GNG7: variants seen among roughly 807,000 people sequenced by gnomAD.
The protein encoded by GNG7 is G protein subunit gamma 7, also known as guanine nucleotide-binding protein G(I)/G(S)/G(O) subunit gamma-7.
A neutral mutation model predicts 4.0 loss-of-function variants in GNG7; 1 was observed. The observed-to-expected ratio is 0.25, with a 90% CI of 0.09 to 1.18. GNG7 has a LOEUF of 1.18. Ranked by LOEUF, GNG7 falls within the 50% of genes most tolerant of loss-of-function variation. The pLI, the probability that GNG7 is intolerant of heterozygous loss-of-function variation, is 0.50. For synonymous variants in GNG7, 34 were observed against 36.9 expected (o/e 0.92, Z 0.29); for missense variants, 86 against 91.9 (o/e 0.94, Z 0.26).
chr19:2,620,141 T>C (rs1323533558), intron 2 of GNG7, among the ~76,000 whole-genome samples: 1 of 147,350 alleles, frequency 6.8e-6, no homozygotes, highest in Non-Finnish European at 1.5e-5. Flanking sequence ...AGGTTGCAGG[T>C]TGCAGTGAGC....
intron 2 of GNG7, among the ~76,000 whole-genome samples, chr19:2,590,239 T>C (rs2144800342): frequency 1.3e-5 from 2 of 152,234 alleles, no homozygotes; most frequent in East Asian, 3.9e-4. Flanking sequence ...AAAAGTACCA[T>C]TAAAAAACAA....
intron 2 of GNG7, among the ~76,000 whole-genome samples, chr19:2,560,923 C>G (rs1979723038): frequency 6.7e-6 from 1 of 149,324 alleles, no homozygotes; most frequent in South Asian, 2.1e-4. Flanking sequence ...TACCATTGCA[C>G]TCCAGCCTGG....
In GNG7 at chr19:2,557,242, T is replaced by C. The variant is rs1013488666; in HGVS notation, c.-77-2054A>G. Among the ~76,000 whole-genome samples the C allele has an allele frequency of 2.0e-5, 3 of 148,840 alleles. No homozygotes were observed. The highest frequency in any genetic ancestry group is 3.0e-5 in the Non-Finnish European group (2 of 67,356). On this transcript the variant is annotated intron_variant, in intron 2 of 4. Coordinates refer to ENST00000382159, the MANE Select transcript of GNG7 (RefSeq NM_052847.3). This position sits in a 1 kb window ranked among gnomAD's most constrained non-coding sequence, Gnocchi z 5.1. ...ACACACATGCACACACAGACGCACA[T>C]GTGCACACACACGTGCACACACATT... is the stretch of plus-strand genomic sequence containing the variant.
intron 2 of GNG7, among the ~76,000 whole-genome samples, chr19:2,562,290 CT>C (rs5826772): frequency 0.058 from 6,773 of 116,034 alleles, 220 homozygotes; most frequent in Admixed American, 0.13. Flanking sequence ...CTTTTTCTTT[CT>C]TTTTTTTTTT....
chr19:2,535,264 G>A (rs971411309), intron 3 of GNG7, among the ~76,000 whole-genome samples: 5 of 151,224 alleles, frequency 3.3e-5, no homozygotes, highest in African/African-American at 1.2e-4. Flanking sequence ...TGAGGCAGGA[G>A]GATCACTTGA....
At chr19:2,680,081 G>A (rs1983692057) in intron 1 of GNG7, among the ~76,000 whole-genome samples, 1 of 151,976 alleles carries the variant, frequency 6.6e-6, no homozygotes, top group Non-Finnish European at 1.5e-5. Flanking sequence ...GGGAGACCGA[G>A]GAGGGAGGAT....
chr19:2,585,094 A>G, intron 2 of GNG7, among the ~76,000 whole-genome samples: 2 of 109,362 alleles, frequency 1.8e-5, no homozygotes, highest in Non-Finnish European at 3.5e-5. Flanking sequence ...GAGGGAAGAA[A>G]AGAAGGAAGG....
rs35639922 is a variant in GNG7 at position 2,525,971 on chromosome 19, A to ATTTTTTTTTT, written c.-37-5256_-37-5247dup. Among the ~76,000 whole-genome samples the ATTTTTTTTTT allele has an allele frequency of 9.9e-3, 752 of 75,626 alleles. 102 individuals are homozygous for ATTTTTTTTTT. The highest frequency in any genetic ancestry group is 0.029 in the African/African-American group (485 of 16,556). 49.6% of individuals were successfully genotyped at this position (75,626 alleles called of 152,430 possible). On this transcript the variant is annotated intron_variant, in intron 3 of 4. Transcript: ENST00000382159. ...ATTACAGGTGCCTGCCTCCACGCCA[A>ATTTTTTTTTT]TTTTTTTTTTTTTTTTTGAGACAGA...
intron 3 of GNG7, among the ~76,000 whole-genome samples, chr19:2,552,180 C>T (rs1420428081): frequency 2.0e-5 from 3 of 151,958 alleles, no homozygotes; most frequent in African/African-American, 7.2e-5. Flanking sequence ...GATAAAACCC[C>T]ATCTCTACTA....
At position 2,513,455 on chromosome 19, in the gene GNG7, T is replaced by C. The variant is rs965543767; in HGVS notation, c.*1567A>G. On this transcript the variant is annotated 3_prime_UTR_variant, in exon 5 of 5. Coordinates refer to ENST00000382159, the MANE Select transcript of GNG7 (RefSeq NM_052847.3). ...GGTGATGCCGGCAGGCCCTGGAAGATGTGGCTGCACCTGCTCCCGTCCGTG... is the reference window on the plus strand; with the variant it reads ...GGTGATGCCGGCAGGCCCTGGAAGACGTGGCTGCACCTGCTCCCGTCCGTG... The C allele has an allele frequency of 1.3e-5, 12 of 948,066 alleles. No homozygotes were observed. The highest frequency in any genetic ancestry group is 1.8e-5 in the African/African-American group (1 of 56,462). The allele number at this position is 948,066 out of a possible 1,614,324, so 58.7% of individuals were successfully genotyped here. A position where few individuals can be genotyped will look rare whatever the true frequency, so the allele number is the denominator to read the frequency against.
At chr19:2,688,925 C>G (rs929289765) in intron 1 of GNG7, among the ~76,000 whole-genome samples, 1 of 151,816 alleles carries the variant, frequency 6.6e-6, no homozygotes, top group African/African-American at 2.4e-5. Context: ...ATTAGCCAGG[C>G]ACGGGGTTGC....
rs1049139548 is a variant in GNG7 at position 2,618,778 on chromosome 19, G to C, written c.-78+27446C>G. On this transcript the variant is annotated intron_variant, in intron 2 of 4. Coordinates refer to ENST00000382159, the MANE Select transcript of GNG7 (RefSeq NM_052847.3). The surrounding 1 kb of genome is among the most constrained non-coding windows in gnomAD (Gnocchi z 5.1). ...CAGGGGCCACCCTGTGTAACCACAGGGCATTGCTCACAGCTGGGGAACGCT... is the reference window on the plus strand; with the variant it reads ...CAGGGGCCACCCTGTGTAACCACAGCGCATTGCTCACAGCTGGGGAACGCT... Among the ~76,000 whole-genome samples the C allele has an allele frequency of 6.6e-6, 1 of 151,992 alleles. No individual in the cohort carries two copies. The highest frequency in any genetic ancestry group is 2.4e-5 in the African/African-American group (1 of 41,364).
At position 2,546,299 on chromosome 19, in the gene GNG7, C is replaced by T. The variant is rs1979123652; in HGVS notation, c.-38+8850G>A. On this transcript the variant is annotated intron_variant, in intron 3 of 4. Transcript: ENST00000382159. The surrounding 1 kb of genome is among the most constrained non-coding windows in gnomAD (Gnocchi z 6.3). ...ACCCTGCACCCAGCGTGGGCACCCACCCTGCACCTGCAGCCTCTCCAGGGC... is the reference window on the plus strand; with the variant it reads ...ACCCTGCACCCAGCGTGGGCACCCATCCTGCACCTGCAGCCTCTCCAGGGC... Among the ~76,000 whole-genome samples, 1 of 152,250 alleles carries T rather than the reference C, an allele frequency of 6.6e-6. No homozygotes were observed. The highest frequency in any genetic ancestry group is 1.5e-5 in the Non-Finnish European group (1 of 68,036).
chr19:2,585,517 A>G (rs1382773154), intron 2 of GNG7, among the ~76,000 whole-genome samples: 1 of 152,170 alleles, frequency 6.6e-6, no homozygotes, highest in Non-Finnish European at 1.5e-5. Flanking sequence ...GCCTGCGGCT[A>G]TTCTTGCAAC....
Position 2,673,236 on chromosome 19 carries a change from T to C in GNG7, c.-134-26956A>G, listed in dbSNP as rs555701236. 1.5e-4 allele frequency among the ~76,000 whole-genome samples: 21 copies of C among 138,536 alleles called. No individual in the cohort carries two copies. The South Asian group carries it at 3.9e-3, about 26-fold the overall frequency. The allele number at this position is 138,536 out of a possible 152,430, so 90.9% of individuals were successfully genotyped here. A position where few individuals can be genotyped will look rare whatever the true frequency, so the allele number is the denominator to read the frequency against. On this transcript the variant is annotated intron_variant, in intron 1 of 4. Transcript: ENST00000382159. ...TAGCACCACTGCACTCCAGCCTGGG[T>C]GACAGAGCGAGATTCCATCTCAAAA... is the stretch of plus-strand genomic sequence containing the variant.
chr19:2,640,214 G>A (rs1023101167), intron 2 of GNG7, among the ~76,000 whole-genome samples: 7 of 148,974 alleles, frequency 4.7e-5, no homozygotes, highest in African/African-American at 9.9e-5. Context: ...GGAGGAAGGC[G>A]AGAGAAAGAG....
intron 2 of GNG7, among the ~76,000 whole-genome samples, chr19:2,629,528 A>C (rs1325007349): frequency 6.6e-6 from 1 of 152,160 alleles, no homozygotes; most frequent in East Asian, 1.9e-4. Context: ...GCCCCAGAAC[A>C]CACCTAGTGC....
intron 2 of GNG7, among the ~76,000 whole-genome samples, chr19:2,605,292 G>A (rs1434532447): frequency 1.3e-5 from 2 of 152,110 alleles, no homozygotes; most frequent in African/African-American, 2.4e-5. Context: ...TCCGCCTCCT[G>A]GGTTCAAGTG....
rs994074049 is a variant in GNG7, at chr19:2,513,402, C to T, written c.*1620G>A. On this transcript the variant is annotated 3_prime_UTR_variant, in exon 5 of 5. Transcript: ENST00000382159. ...GCCAGGCCTCCTGCGATCAGGGCTG[C>T]GTGGGGTCCATCTCAGGTGTGGCCG... The T allele has an allele frequency of 7.2e-6, 5 of 691,096 alleles. No homozygotes were observed. Among genetic ancestry groups the T allele is most frequent in the African/African-American group, 1.9e-5 (1 of 51,344 alleles). The allele number at this position is 691,096 out of a possible 1,614,324, so 42.8% of individuals were successfully genotyped here. A position where few individuals can be genotyped will look rare whatever the true frequency, so the allele number is the denominator to read the frequency against.
Sources: allele counts gnomAD v4.1 joint callset (sites outside exome capture counted in the v4.1 genomes callset), GRCh38; gene constraint gnomAD v4.1.1; non-coding constraint Gnocchi (gnomAD v3.1); transcripts MANE v1.5; gene names NCBI Gene and HGNC (gene_info 2026-07-23, HGNC 2026-07-21).